NALCN: variants seen among roughly 807,000 people sequenced by gnomAD.
NALCN encodes the protein sodium leak channel, non-selective.
NALCN carries 111 observed loss-of-function variants against 225.3 expected under a neutral mutation model. The observed-to-expected ratio is 0.49, with a 90% CI of 0.42 to 0.58. NALCN has a LOEUF of 0.58. Among genes scored for constraint, NALCN ranks in the 20% least tolerant of loss-of-function variants. The pLI is 0.00. For synonymous variants in NALCN, 764 were observed against 769.0 expected (o/e 0.99, Z 0.11); for missense variants, 1,378 against 2,202.4 (o/e 0.63, Z 7.49).
intron 17 of NALCN, among the ~76,000 whole-genome samples, chr13:101,127,559 T>C (rs1035867487): frequency 6.6e-6 from 1 of 152,122 alleles, no homozygotes; most frequent in Non-Finnish European, 1.5e-5. Context: ...GGTTTCACCA[T>C]GTTGGCCAGG....
rs1234610607 is a variant in NALCN, at chr13:101,124,814, C to A, written c.2119-133G>T. ...CGCTAAAGCATCATCGTACAATTGA[C>A]AATTCTTGTCTATTTTTACTTTTAT... is the stretch of plus-strand genomic sequence containing the variant. On this transcript the variant is annotated intron_variant, in intron 17 of 43. Transcript: ENST00000251127. 8.5e-6 allele frequency: 7 copies of A among 826,194 alleles called. No homozygotes were observed. In the East Asian group the frequency reaches 1.6e-4, roughly 18 times the overall value. 51.2% of individuals were successfully genotyped at this position (826,194 alleles called of 1,614,324 possible). A position where few individuals can be genotyped will look rare whatever the true frequency, so the allele number is the denominator to read the frequency against.
intron 6 of NALCN, among the ~76,000 whole-genome samples, chr13:101,360,069 TTCTTTCTTTCTTTC>T (rs1032790965): frequency 1.0e-4 from 15 of 149,822 alleles, no homozygotes; most frequent in African/African-American, 2.8e-4. Flanking sequence ...TTCTTTCTTT[TTCTTTCTTTCTTTC>T]TCTTTCTTTC....
intron 15 of NALCN, among the ~76,000 whole-genome samples, chr13:101,147,297 C>G (rs569416597): frequency 6.6e-6 from 1 of 151,918 alleles, no homozygotes; most frequent in African/African-American, 2.4e-5. Context: ...CCATTTCTCA[C>G]GCTCTGTCTT....
intron 3 of NALCN, among the ~76,000 whole-genome samples, chr13:101,392,144 T>C (rs2047166060): frequency 6.6e-6 from 1 of 151,938 alleles, no homozygotes. Context: ...TACCAAACTT[T>C]TAAAGTGAAA....
At chr13:101,063,419 C>G (rs1455346008) in intron 40 of NALCN, among the ~76,000 whole-genome samples, 2 of 152,238 alleles carry the variant, frequency 1.3e-5, no homozygotes, top group African/African-American at 4.8e-5. Flanking sequence ...AGGGGAGAGA[C>G]AGCCCCATCA....
At chr13:101,115,259 GA>G (rs554438391) in intron 18 of NALCN, among the ~76,000 whole-genome samples, 11 of 147,674 alleles carry the variant, frequency 7.4e-5, no homozygotes, top group South Asian at 2.2e-4. Context: ...AGACAGTAAT[GA>G]AAAAAAAAAG....
chr13:101,376,682 G>A lies in NALCN; in HGVS notation c.644+18C>T, dbSNP rs1280256301. On this transcript the variant is annotated intron_variant, in intron 6 of 43. Coordinates refer to ENST00000251127, the MANE Select transcript of NALCN (RefSeq NM_052867.4). ...TGTTAATCAACTAGATTAAAATGCA[G>A]TTAATAGATAAACTTACCCTGGCTT... 5.7e-6 allele frequency: 9 copies of A among 1,584,106 alleles called. No homozygotes were observed. The African/African-American group carries it at 6.9e-5, about 12-fold the overall frequency.
At chr13:101,225,790 T>C (rs925830922) in intron 13 of NALCN, among the ~76,000 whole-genome samples, 2 of 152,140 alleles carry the variant, frequency 1.3e-5, no homozygotes, top group African/African-American at 4.8e-5. Context: ...ACATTCTTGG[T>C]TTAGAAACAA....
Position 101,292,370 on chromosome 13 carries a change from T to C in NALCN, c.800-4A>G. The stretch of plus-strand genomic sequence containing the variant: ...TAGACGGTGAATATACTAGTTCCTG[T>C]CATGACAGAGGAGGACAGACTGAGT... On this transcript the variant is annotated splice_region_variant and splice_polypyrimidine_tract_variant and intron_variant, in intron 7 of 43. Coordinates refer to ENST00000251127, the MANE Select transcript of NALCN (RefSeq NM_052867.4). The surrounding 1 kb of genome is among the most constrained non-coding windows in gnomAD (Gnocchi z 4.3). 1.2e-6 allele frequency: 2 copies of C among 1,612,864 alleles called. No individual in the cohort carries two copies.
intron 34 of NALCN, among the ~76,000 whole-genome samples, chr13:101,076,432 T>C (rs2033257441): frequency 6.6e-6 from 1 of 152,226 alleles, no homozygotes; most frequent in Admixed American, 6.5e-5. Context: ...CACATCCAGC[T>C]CTTTTTTCAA....
intron 14 of NALCN, among the ~76,000 whole-genome samples, chr13:101,186,094 G>A (rs1210763588): frequency 1.3e-5 from 2 of 152,236 alleles, no homozygotes; most frequent in Non-Finnish European, 2.9e-5. Context: ...TCACGCATGT[G>A]TTTATATGTT....
intron 10 of NALCN, among the ~76,000 whole-genome samples, chr13:101,280,620 T>G (rs908608970): frequency 6.6e-6 from 1 of 152,150 alleles, no homozygotes; most frequent in African/African-American, 2.4e-5. Flanking sequence ...GCACTCAGAG[T>G]AGCCCTGATA....
intron 3 of NALCN, among the ~76,000 whole-genome samples, chr13:101,386,681 T>C (rs1177583708): frequency 6.6e-6 from 1 of 152,076 alleles, no homozygotes; most frequent in Non-Finnish European, 1.5e-5. Context: ...CTTTGACACG[T>C]TTGTTTTGAA....
In NALCN at chr13:101,060,275, G is replaced by GTTTT. The variant is rs771531599; in HGVS notation, c.4756-312_4756-309dup. On this transcript the variant is annotated intron_variant, in intron 41 of 43. Coordinates refer to ENST00000251127, the MANE Select transcript of NALCN (RefSeq NM_052867.4). ...TTTCTTTTTGTTGTTGGTGTTTTCTGTTTTTTTTTTTTTTTTTTTAGATAG... is the reference window on the plus strand; with the variant it reads ...TTTCTTTTTGTTGTTGGTGTTTTCTGTTTTTTTTTTTTTTTTTTTTTTTAGATAG... Among the ~76,000 whole-genome samples, 547 of 79,792 alleles carry GTTTT rather than the reference G, an allele frequency of 6.9e-3. 63 individuals are homozygous for GTTTT. The highest frequency in any genetic ancestry group is 0.044 in the South Asian group (78 of 1,772). 52.3% of individuals were successfully genotyped at this position (79,792 alleles called of 152,430 possible).
intron 7 of NALCN, among the ~76,000 whole-genome samples, chr13:101,310,968 G>A (rs544769856): frequency 3.3e-5 from 5 of 152,022 alleles, no homozygotes; most frequent in East Asian, 1.9e-4. Context: ...CCATTTTCAC[G>A]ATATTGATTC....
At chr13:101,265,549 C>CA (rs1350620330) in intron 10 of NALCN, among the ~76,000 whole-genome samples, 1 of 152,198 alleles carries the variant, frequency 6.6e-6, no homozygotes, top group Non-Finnish European at 1.5e-5. Context: ...GAGGGCTTCT[C>CA]ACGCAATTAA....
rs371647832 is a variant in NALCN, at chr13:101,259,892, TTTAAG to T, written c.1135-1323_1135-1319del. Among the ~76,000 whole-genome samples, 327 of 151,918 alleles carry T rather than the reference TTTAAG, an allele frequency of 2.2e-3. 1 individual carries two copies. The highest frequency in any genetic ancestry group is 7.1e-3 in the African/African-American group (295 of 41,496). On this transcript the variant is annotated intron_variant, in intron 10 of 43. Transcript: ENST00000251127. ...AGTTACAAATGATTATGTTACACTC[TTTAAG>T]TTATTTTAAAATGTACAGTTATTAT...
chr13:101,289,681 T>C (rs2043479477), intron 9 of NALCN, among the ~76,000 whole-genome samples: 1 of 152,140 alleles, frequency 6.6e-6, no homozygotes, highest in African/African-American at 2.4e-5. Flanking sequence ...ATTTTCCATA[T>C]GCTAGAGAAA....
In NALCN at chr13:101,173,752, C is replaced by T. The variant is rs1033780722; in HGVS notation, c.1839+2548G>A. Among the ~76,000 whole-genome samples, 6 of 152,128 alleles carry T rather than the reference C, an allele frequency of 3.9e-5. No individual in the cohort carries two copies. The South Asian group carries it at 1.2e-3, about 32-fold the overall frequency. ...TTGAACATTTCCTCCACTCTACTCTCTATCTGGGAGTAGTAAAAATAGAGT... is the reference window on the plus strand; with the variant it reads ...TTGAACATTTCCTCCACTCTACTCTTTATCTGGGAGTAGTAAAAATAGAGT... On this transcript the variant is annotated intron_variant, in intron 15 of 43. Coordinates refer to ENST00000251127, the MANE Select transcript of NALCN (RefSeq NM_052867.4).
Sources: gnomAD v4.1 joint callset for allele counts (sites outside exome capture counted in the v4.1 genomes callset) on GRCh38, gnomAD v4.1.1 for gene constraint, Gnocchi (gnomAD v3.1) non-coding constraint, MANE v1.5 for transcripts, NCBI Gene and HGNC (gene_info 2026-07-23, HGNC 2026-07-21) for gene names.